The following IL1R1 variants were observed in gnomAD, a reference collection of about 807,000 sequenced individuals.
IL1R1 encodes the protein interleukin 1 receptor type 1.
IL1R1 carries 22 observed loss-of-function variants against 50.2 expected under a neutral mutation model. The observed-to-expected ratio is 0.44, with a 90% CI of 0.31 to 0.63. The LOEUF (loss-of-function observed/expected upper bound fraction) is 0.63, where lower values mean the gene tolerates loss of function less well. IL1R1 is among the 20% of genes least tolerant of loss of function. The pLI is 0.07. For missense variants in IL1R1, 509 were observed against 676.2 expected, an observed-to-expected ratio of 0.75 and a Z score of 2.74; for synonymous variants, 251 against 236.7, an observed-to-expected ratio of 1.06 and a Z score of -0.55.
At chr2:102,125,160 A>G (rs903527334) in intron 1 of IL1R1, among the ~76,000 whole-genome samples, 8 of 152,186 alleles carry the variant, frequency 5.3e-5, no homozygotes, top group African/African-American at 1.9e-4. Flanking sequence ...ACAACCGTCT[A>G]GAGTCCATTG....
At chr2:102,165,076 T>G (rs939891184) in intron 4 of IL1R1, 39 bp from the exon 5 acceptor site, 19 of 1,557,732 alleles carry the variant, frequency 1.2e-5, no homozygotes, top group Non-Finnish European at 1.6e-5. Flanking sequence ...CAGAAATACT[T>G]TTAATAATGC....
At chr2:102,086,891 C>T (rs914331228) in intron 1 of IL1R1, among the ~76,000 whole-genome samples, 1 of 151,992 alleles carries the variant, frequency 6.6e-6, no homozygotes, top group African/African-American at 2.4e-5. Flanking sequence ...TTTTTGAAGC[C>T]CATATTTTTT....
chr2:102,104,600 A>C (rs1680298683), exon 1 of IL1R1: 2 of 152,032 alleles, frequency 1.3e-5, no homozygotes, highest in African/African-American at 2.4e-5. Context: ...GCTGTGACAC[A>C]GCCATCTCCA....
At chr2:102,125,539 T>C (rs1681663270) in intron 1 of IL1R1, among the ~76,000 whole-genome samples, 1 of 152,084 alleles carries the variant, frequency 6.6e-6, no homozygotes. Context: ...TCAGGATAGA[T>C]AGGCAAGATA....
At chr2:102,161,535 G>A (rs1227978664) in intron 3 of IL1R1, among the ~76,000 whole-genome samples, 2 of 152,046 alleles carry the variant, frequency 1.3e-5, no homozygotes, top group Admixed American at 6.6e-5. Context: ...CCTTGTGAGT[G>A]GGGTTTCTCT....
intron 1 of IL1R1, among the ~76,000 whole-genome samples, chr2:102,108,289 T>C (rs758234314): frequency 6.6e-6 from 1 of 152,010 alleles, no homozygotes; most frequent in Non-Finnish European, 1.5e-5. Flanking sequence ...GTTCTTAGAT[T>C]CAGTAGCAGT....
At chr2:102,112,246 A>C (rs1260158606) in intron 1 of IL1R1, among the ~76,000 whole-genome samples, 1 of 151,612 alleles carries the variant, frequency 6.6e-6, no homozygotes, top group Non-Finnish European at 1.5e-5. Flanking sequence ...TCAGACACTC[A>C]GGCCTATTTC....
chr2:102,144,780 C>T (rs11883987), intron 1 of IL1R1, among the ~76,000 whole-genome samples: 91,561 of 151,924 alleles, frequency 0.6, 27,992 homozygotes, highest in Admixed American at 0.66. Context: ...ACTCAGCAGC[C>T]CCAATGGAGA....
Position 102,172,825 on chromosome 2 carries a change from G to A in IL1R1, c.978G>A (p.Gln326=), listed in dbSNP as rs199614768. ...ATGGTATAGATGCAGCATATATCCA[G>A]TTAATATATCCAGGTAAACAACAAA... is the stretch of plus-strand genomic sequence containing the variant. The part of the protein sequence containing the change: ...NTHGIDAAYI[Q]LIYPVTNFQK... The change falls in exon 9 of 12, where the codon CAG becomes CAA. Residue 326 remains glutamine (Q), a synonymous_variant. Transcript: ENST00000410023. 1.7e-5 allele frequency: 27 copies of A among 1,599,658 alleles called. 1 individual carries two copies. Among genetic ancestry groups the A allele is most frequent in the South Asian group, 1.6e-4 (14 of 89,820 alleles).
At chr2:102,126,845 C>T (rs1031812108) in intron 1 of IL1R1, among the ~76,000 whole-genome samples, 1 of 152,242 alleles carries the variant, frequency 6.6e-6, no homozygotes, top group Admixed American at 6.5e-5. Context: ...AGCCATCCCT[C>T]TCTCTGACTC....
intron 1 of IL1R1, among the ~76,000 whole-genome samples, chr2:102,077,071 T>C (rs533618361): frequency 6.6e-6 from 1 of 152,274 alleles, no homozygotes; most frequent in African/African-American, 2.4e-5. Context: ...CTTTCTTTCT[T>C]TTTATTTTAT....
chr2:102,093,904 T>A (rs1679789974), intron 1 of IL1R1, among the ~76,000 whole-genome samples: 1 of 152,026 alleles, frequency 6.6e-6, no homozygotes, highest in Non-Finnish European at 1.5e-5. Context: ...GCGGGACCAG[T>A]CCTCCTGCAG....
At chr2:102,127,657 CTGTGTG>C (rs60587758) in intron 1 of IL1R1, among the ~76,000 whole-genome samples, 20,211 of 144,818 alleles carry the variant, frequency 0.14, 1,777 homozygotes, top group African/African-American at 0.25. Context: ...GTGTGTGTGA[CTGTGTG>C]TGTGTGTGTG....
chr2:102,134,439 A>G (rs1682226765), intron 1 of IL1R1, among the ~76,000 whole-genome samples: 1 of 151,104 alleles, frequency 6.6e-6, no homozygotes, highest in Non-Finnish European at 1.5e-5. Context: ...GCGCAATGGC[A>G]CAGATTTCGG....
intron 11 of IL1R1, 70 bp downstream of exon 11, chr2:102,175,715 T>G (rs1440824030): frequency 1.4e-6 from 2 of 1,444,416 alleles, no homozygotes; most frequent in Admixed American, 1.7e-5. Context: ...GGATTCCATC[T>G]TTCTAGAAGA....
At chr2:102,087,923 C>A (rs532771619) in intron 1 of IL1R1, among the ~76,000 whole-genome samples, 52 of 152,332 alleles carry the variant, frequency 3.4e-4, no homozygotes, top group Middle Eastern at 6.8e-3. Context: ...CTTTGCTCAA[C>A]CATAAGAAAC....
Position 102,082,362 on chromosome 2 carries a change from ATCT to A in IL1R1, c.-84+11833_-84+11835del, listed in dbSNP as rs996225331. On this transcript the variant is annotated intron_variant, in intron 1 of 11. Transcript: ENST00000409929. ...ACACAAGAGAAAAAAATTGCTGATAATCTTCTCAAAAAGGATTATCTTGTTTGT... is the reference window on the plus strand; with the variant it reads ...ACACAAGAGAAAAAAATTGCTGATAATCTCAAAAAGGATTATCTTGTTTGT... 8.5e-5 allele frequency among the ~76,000 whole-genome samples: 13 copies of A among 152,272 alleles called. No individual in the cohort carries two copies. In the Middle Eastern group the frequency reaches 0.01, roughly 120 times the overall value.
intron 1 of IL1R1, among the ~76,000 whole-genome samples, chr2:102,113,716 C>T (rs767076095): frequency 7.2e-5 from 11 of 152,192 alleles, no homozygotes; most frequent in Non-Finnish European, 1.2e-4. Flanking sequence ...GGCCTCCTTG[C>T]CCTGGAGCCT....
chr2:102,115,527 G>C (rs965342960), intron 1 of IL1R1, among the ~76,000 whole-genome samples: 8 of 152,176 alleles, frequency 5.3e-5, no homozygotes, highest in East Asian at 1.9e-4. Context: ...CTGAACAGCA[G>C]GGGAGAGAAC....
Sources: gnomAD v4.1 joint callset for allele counts (sites outside exome capture counted in the v4.1 genomes callset) on GRCh38, gnomAD v4.1.1 for gene constraint, MANE v1.5 for transcripts, NCBI Gene and HGNC (gene_info 2026-07-23, HGNC 2026-07-21) for gene names.